Variants in SCRG1 observed in about 807,000 individuals in gnomAD.
SCRG1 encodes stimulator of chondrogenesis 1.
SCRG1 carries 3 observed loss-of-function variants against 7.7 expected under a neutral mutation model. That is an observed-to-expected ratio of 0.39 (90% confidence interval 0.18 to 1.01). The LOEUF is 1.01. Ranked by LOEUF, SCRG1 falls within the 50% of genes least tolerant of loss-of-function variation. The probability of loss-of-function intolerance (pLI) is 0.36; values close to 1 mark genes in which losing one functional copy is unlikely to be tolerated. For missense variants in SCRG1, 110 were observed against 117.2 expected, an observed-to-expected ratio of 0.94 and a Z score of 0.28; for synonymous variants, 46 against 41.2, an observed-to-expected ratio of 1.12 and a Z score of -0.44.
At chr4:173,457,303 A>G in the SCRG1 span, among the ~76,000 whole-genome samples, 3 of 152,222 alleles carry the variant, frequency 2.0e-5, no homozygotes, top group East Asian at 3.8e-4. Flanking sequence ...AAGGCACACA[A>G]TAAATGGTGT....
chr4:173,484,128 T>TAATGTATAATATAC, the SCRG1 span, among the ~76,000 whole-genome samples: 23 of 80,400 alleles, frequency 2.9e-4, no homozygotes, highest in African/African-American at 1.1e-3. Flanking sequence ...ATACAATATA[T>TAATGTATAATATAC]AATATATAAT....
chr4:173,502,535 C>T, the SCRG1 span, among the ~76,000 whole-genome samples: 1 of 152,278 alleles, frequency 6.6e-6, no homozygotes, highest in Non-Finnish European at 1.5e-5. This position sits in a 1 kb window ranked among gnomAD's most constrained non-coding sequence, Gnocchi z 4.6. Flanking sequence ...CCTTTCTAAG[C>T]CTGCAAGTTT....
At chr4:173,485,163 T>TCA in the SCRG1 span, among the ~76,000 whole-genome samples, 3 of 100,350 alleles carry the variant, frequency 3.0e-5, 1 homozygote, top group African/African-American at 8.6e-5. Flanking sequence ...ATATAATATA[T>TCA]TATATATATT....
chr4:173,500,447 C>G, the SCRG1 span, among the ~76,000 whole-genome samples: 3 of 152,028 alleles, frequency 2.0e-5, no homozygotes, highest in Admixed American at 1.3e-4. Flanking sequence ...AATTCTGAAT[C>G]ACCAACGAAG....
intron 1 of SCRG1, among the ~76,000 whole-genome samples, chr4:173,395,238 C>T (rs745872520): frequency 6.6e-6 from 1 of 152,184 alleles, no homozygotes; most frequent in African/African-American, 2.4e-5. Context: ...CTGTCATTCT[C>T]ATTAGACCGA....
At chr4:173,458,662 G>A in the SCRG1 span, among the ~76,000 whole-genome samples, 20 of 152,254 alleles carry the variant, frequency 1.3e-4, 1 homozygote, top group African/African-American at 4.3e-4. Flanking sequence ...ATCACATCAC[G>A]ATGATAAATA....
At chr4:173,406,406 A>G (rs1441125812), upstream of SCRG1, 2 of 152,204 alleles carry the variant, frequency 1.3e-5, no homozygotes, top group African/African-American at 4.8e-5. Context: ...TGTTTCATAC[A>G]TGAGTAATAA....
the SCRG1 span, among the ~76,000 whole-genome samples, chr4:173,450,528 T>C: frequency 6.6e-6 from 1 of 152,290 alleles, no homozygotes; most frequent in South Asian, 2.1e-4. Flanking sequence ...TGGGATCTCA[T>C]GCTGATAGCA....
At chr4:173,452,393 G>C in the SCRG1 span, among the ~76,000 whole-genome samples, 1 of 152,174 alleles carries the variant, frequency 6.6e-6, no homozygotes, top group Non-Finnish European at 1.5e-5. Flanking sequence ...TGGTCTTACT[G>C]TTTCAGGGGT....
At chr4:173,398,111 T>A (rs1358285392) in intron 1 of SCRG1, among the ~76,000 whole-genome samples, 1 of 152,214 alleles carries the variant, frequency 6.6e-6, no homozygotes, top group Non-Finnish European at 1.5e-5. Context: ...TTAGAATGAC[T>A]GAGTCCTTAG....
upstream of SCRG1, among the ~76,000 whole-genome samples, chr4:173,408,768 C>T (rs1578972645): frequency 6.6e-6 from 1 of 151,836 alleles, no homozygotes; most frequent in Admixed American, 6.6e-5. Flanking sequence ...CTGAGGCAGG[C>T]GGATCATGAA....
At chr4:173,405,905 T>C (rs1452996325) in intron 1 of SCRG1, among the ~76,000 whole-genome samples, 2 of 152,222 alleles carry the variant, frequency 1.3e-5, no homozygotes, top group African/African-American at 4.8e-5. Flanking sequence ...GAAGAATAAA[T>C]TAGAAACCAA....
At chr4:173,497,926 C>T in the SCRG1 span, among the ~76,000 whole-genome samples, 3 of 152,056 alleles carry the variant, frequency 2.0e-5, no homozygotes, top group African/African-American at 7.2e-5. Flanking sequence ...GTGATCCACC[C>T]GCCTCGGCCT....
chr4:173,455,853 G>C, the SCRG1 span, among the ~76,000 whole-genome samples: 32 of 152,144 alleles, frequency 2.1e-4, no homozygotes, highest in Non-Finnish European at 2.2e-4. Flanking sequence ...GTCACCTTGG[G>C]AGCAGTCGAA....
At chr4:173,392,207 A>G (rs1452613225) in intron 1 of SCRG1, among the ~76,000 whole-genome samples, 1 of 152,206 alleles carries the variant, frequency 6.6e-6, no homozygotes, top group East Asian at 1.9e-4. Context: ...TAGTGTATAG[A>G]TATATTTATA....
the SCRG1 span, chr4:173,468,874 C>G: frequency 6.0e-3 from 908 of 152,262 alleles, 8 homozygotes; most frequent in Non-Finnish European, 8.9e-3. Context: ...GAGTCTTATC[C>G]ACCTTTGTAC....
the SCRG1 span, among the ~76,000 whole-genome samples, chr4:173,431,015 G>C: frequency 1.3e-5 from 2 of 152,032 alleles, no homozygotes; most frequent in African/African-American, 4.8e-5. Flanking sequence ...CTACCTAGTG[G>C]GTACAATGTT....
chr4:173,462,719 A>G, the SCRG1 span, among the ~76,000 whole-genome samples: 2 of 152,234 alleles, frequency 1.3e-5, no homozygotes, highest in Non-Finnish European at 2.9e-5. Flanking sequence ...AGACTAAAAG[A>G]TGAACCAATC....
In SCRG1 at chr4:173,391,269, G is replaced by C. The variant is rs370484264; in HGVS notation, c.146C>G (p.Thr49Arg). The C allele has an allele frequency of 6.2e-6, 10 of 1,613,998 alleles. No homozygotes were observed. Among genetic ancestry groups the C allele is most frequent in the Non-Finnish European group, 7.6e-6 (9 of 1,180,012 alleles). Residue 49 changes from threonine to arginine, a missense_variant, in exon 2 of 3, where the codon ACA becomes AGA. By Grantham distance (71) the Thr-to-Arg change is moderately conservative. Transcript: ENST00000296506. ...HNLPEGVADLTQIDVNVQDHF... is the reference protein window; with the variant it reads ...HNLPEGVADLRQIDVNVQDHF... Reference sequence around the variant, plus strand: ...ATCCTGGACATTGACATCAATCTGTGTCAGGTCAGCTACTCCTTCCGGAAG... The same window carrying C: ...ATCCTGGACATTGACATCAATCTGTCTCAGGTCAGCTACTCCTTCCGGAAG...
Sources: gnomAD v4.1 joint callset for allele counts (sites outside exome capture counted in the v4.1 genomes callset) on GRCh38, gnomAD v4.1.1 for gene constraint, Gnocchi (gnomAD v3.1) non-coding constraint, MANE v1.5 for transcripts, NCBI Gene and HGNC (gene_info 2026-07-23, HGNC 2026-07-21) for gene names.